The following STAB1 variants were observed in gnomAD, a reference collection of about 807,000 sequenced individuals.
STAB1 encodes the protein stabilin-1.
A neutral mutation model predicts 332.4 loss-of-function variants in STAB1; 250 were observed. The observed-to-expected ratio is 0.75, with a 90% CI of 0.68 to 0.84. STAB1 has a LOEUF of 0.84. Among genes scored for constraint, STAB1 ranks in the 40% least tolerant of loss-of-function variants. The pLI is 0.00. For synonymous variants in STAB1, 1,475 were observed against 1,390.4 expected, an observed-to-expected ratio of 1.06 and a Z score of -1.35; for missense variants, 3,249 against 3,489.7, an observed-to-expected ratio of 0.93 and a Z score of 1.74.
chr3:52,520,762 A>G (rs769936059), intron 54 of STAB1, 42 bp from the exon 55 acceptor site: 1 of 1,612,694 alleles, frequency 6.2e-7, no homozygotes, highest in Admixed American at 1.7e-5. Context: ...AGGACCACCA[A>G]ACTCAGAACC....
intron 57 of STAB1, 22 bp downstream of exon 57, chr3:52,521,722 CCCACCCTACACACTTGTGT>C: frequency 6.2e-7 from 1 of 1,611,558 alleles, no homozygotes; most frequent in Non-Finnish European, 8.5e-7. Context: ...CGTGCTCGTG[CCCACCCTACACACTTGTGT>C]ACATGTGCAC....
chr3:52,510,502 G>A lies in STAB1; in HGVS notation c.2782G>A (p.Gly928Arg), dbSNP rs758023101. The A allele has an allele frequency of 1.1e-5, 18 of 1,612,466 alleles. No homozygotes were observed. Among genetic ancestry groups the A allele is most frequent in the South Asian group, 4.4e-5 (4 of 90,958 alleles). ...TGCCCTCTGCAGCTATGTGGGCCCC[G>A]GGCAGGTGAGGTGCAGCAGAGAAGG... Reference protein sequence around the residue: ...TDALCSYVGPGQSRCTCKLGF... With the variant: ...TDALCSYVGPRQSRCTCKLGF... The change falls in exon 25 of 69, where the codon GGG (glycine) becomes AGG (arginine). Residue 928 changes from glycine to arginine, a missense_variant. Transcript: ENST00000321725.
At chr3:52,522,991 A>C (rs2079127989) in intron 62 of STAB1, 34 bp from the exon 63 acceptor site, 2 of 1,595,498 alleles carry the variant, frequency 1.3e-6, no homozygotes. Context: ...CCTTCCCACC[A>C]ATCTGCTGAG....
Position 52,518,304 on chromosome 3 carries a change from C to A in STAB1, c.4762-8C>A, listed in dbSNP as rs752042855. ...GCCCCAAATCTGAGCTGACCCTCGC[C>A]CCCCCAGGAGCTCCTGAGGGATAAG... is the stretch of plus-strand genomic sequence containing the variant. On this transcript the variant is annotated splice_polypyrimidine_tract_variant and splice_region_variant and intron_variant, in intron 45 of 68. Coordinates refer to ENST00000321725, the MANE Select transcript of STAB1 (RefSeq NM_015136.3). The A allele has an allele frequency of 1.9e-6, 3 of 1,612,438 alleles. No individual in the cohort carries two copies. The highest frequency in any genetic ancestry group is 2.2e-5 in the East Asian group (1 of 44,892).
chr3:52,503,047 C>A lies in STAB1; in HGVS notation c.632C>A (p.Ser211Tyr). ...ELRCPQNTQC[S>Y]AEAPSCRCLP... ...CGCTGTCCCCAGAACACCCAGTGCT[C>A]CGCAGAGGCTCCCAGCTGCAGGTGC... is the stretch of plus-strand genomic sequence containing the variant. The change falls in exon 7 of 69, where the codon TCC becomes TAC. Residue 211 changes from serine to tyrosine, a missense_variant. By Grantham distance (144) the Ser-to-Tyr change is moderately radical. Transcript: ENST00000321725. 1 of 1,603,882 alleles carries A rather than the reference C, an allele frequency of 6.2e-7. No individual in the cohort carries two copies. The highest frequency in any genetic ancestry group is 2.2e-5 in the East Asian group (1 of 44,556).
At chr3:52,498,275 G>A (rs34736619) in intron 1 of STAB1, among the ~76,000 whole-genome samples, 13 of 151,946 alleles carry the variant, frequency 8.6e-5, no homozygotes, top group African/African-American at 1.2e-4. Flanking sequence ...TGTGGGGTTG[G>A]GGGGGAGACA....
chr3:52,500,768 C>T (rs1578350393), intron 1 of STAB1, among the ~76,000 whole-genome samples: 2 of 152,334 alleles, frequency 1.3e-5, no homozygotes, highest in East Asian at 3.9e-4. Flanking sequence ...ACACCCTGTT[C>T]ATGGATGAGA....
Position 52,513,909 on chromosome 3 carries a change from G to A in STAB1, c.3375G>A (p.Val1125=). 1 of 1,605,050 alleles carries A rather than the reference G, an allele frequency of 6.2e-7. No homozygotes were observed. Among genetic ancestry groups the A allele is most frequent in the South Asian group, 1.1e-5 (1 of 90,512 alleles). Residue 1125 remains valine, a synonymous_variant, in exon 32 of 69, where the codon GTG becomes GTA. Coordinates refer to ENST00000321725, the MANE Select transcript of STAB1 (RefSeq NM_015136.3). ...SQVLLPPRGD[V]PGGQGLLQQL... The stretch of plus-strand genomic sequence containing the variant: ...TCTTACTGCCCCCCCGAGGGGATGT[G>A]CCCGGTGGGCAGGGGTTGCTGCAGC...
chr3:52,513,013 T>A, intron 29 of STAB1, 55 bp downstream of exon 29: 1 of 1,583,982 alleles, frequency 6.3e-7, no homozygotes, highest in Non-Finnish European at 8.6e-7. Flanking sequence ...ACCCAGTCCC[T>A]CCCCAGCGAG....
In STAB1 at chr3:52,514,357, T is replaced by C; in HGVS notation, c.3547-8T>C. The C allele has an allele frequency of 8.4e-6, 13 of 1,544,112 alleles. No individual in the cohort carries two copies. Among genetic ancestry groups the C allele is most frequent in the Non-Finnish European group, 1.1e-5 (12 of 1,142,688 alleles). ...TGCAGTCCCCTGGGTTCTCTCCTTC[T>C]CTTCCAGGACGCAGACACAGTGCGG... is the stretch of plus-strand genomic sequence containing the variant. On this transcript the variant is annotated splice_region_variant and splice_polypyrimidine_tract_variant and intron_variant, in intron 33 of 68. Coordinates refer to ENST00000321725, the MANE Select transcript of STAB1 (RefSeq NM_015136.3).
At chr3:52,519,883 G>A in intron 50 of STAB1, 61 bp from the exon 51 acceptor site, 7 of 1,511,252 alleles carry the variant, frequency 4.6e-6, no homozygotes, top group Non-Finnish European at 6.2e-6. Context: ...ACAGCCCCCT[G>A]CCTTTGCTAA....
Position 52,521,022 on chromosome 3 carries a change from C to G in STAB1, c.5908+17C>G. ...AGTGCCAAGGTGAGCATTGCAGACA[C>G]TGTTGACTAGCTCCTCTGTTCCCCA... On this transcript the variant is annotated intron_variant, in intron 55 of 68. Transcript: ENST00000321725. The G allele has an allele frequency of 2.0e-6, 3 of 1,521,260 alleles. No individual in the cohort carries two copies. Among genetic ancestry groups the G allele is most frequent in the Non-Finnish European group, 2.6e-6 (3 of 1,136,400 alleles). 94.2% of individuals were successfully genotyped at this position (1,521,260 alleles called of 1,614,324 possible). A position where few individuals can be genotyped will look rare whatever the true frequency, so the allele number is the denominator to read the frequency against.
Position 52,521,831 on chromosome 3 carries a change from C to T in STAB1, c.6164-13C>T, listed in dbSNP as rs372025770. On this transcript the variant is annotated splice_polypyrimidine_tract_variant and intron_variant, in intron 57 of 68. Transcript: ENST00000321725. ...TACTAACCTGGTTCTGGGGGCTGGG[C>T]CCTGGGGGACAGAGCTGCAGCCTGT... is the stretch of plus-strand genomic sequence containing the variant. 421 of 1,592,664 alleles carry T rather than the reference C, an allele frequency of 2.6e-4. No individual in the cohort carries two copies. Among genetic ancestry groups the T allele is most frequent in the Non-Finnish European group, 3.5e-4 (409 of 1,168,146 alleles).
Position 52,498,275 on chromosome 3 carries a change from G to T in STAB1, c.78+2784G>T, listed in dbSNP as rs34736619. ...CAGGTCTGCGGGGGGTGTGGGGTTGGGGGGGAGACAGCACCCGCTCTGGCT... is the reference window on the plus strand; with the variant it reads ...CAGGTCTGCGGGGGGTGTGGGGTTGTGGGGGAGACAGCACCCGCTCTGGCT... On this transcript the variant is annotated intron_variant, in intron 1 of 68. Coordinates refer to ENST00000321725, the MANE Select transcript of STAB1 (RefSeq NM_015136.3). 5.3e-5 allele frequency among the ~76,000 whole-genome samples: 8 copies of T among 152,062 alleles called. No homozygotes were observed. The East Asian group carries it at 7.8e-4, about 15-fold the overall frequency.
rs551697394 is a variant in STAB1 at position 52,503,289 on chromosome 3, G to A, written c.695-55G>A. 5.2e-4 allele frequency: 808 copies of A among 1,556,062 alleles called. 4 individuals are homozygous for A. The African/African-American group carries it at 8.9e-3, about 17-fold the overall frequency. ...CGGCCTTCCTGGTGAAAGCTGTGGC[G>A]GAGACAGGGCTCCTGGGTGCTTGGC... On this transcript the variant is annotated intron_variant, in intron 7 of 68. Transcript: ENST00000321725.
Position 52,495,431 on chromosome 3 carries a change from C to T in STAB1, c.18C>T (p.Gly6=). The change falls in exon 1 of 69, where the codon GGC becomes GGT. Residue 6 remains glycine (G), a synonymous_variant. Coordinates refer to ENST00000321725, the MANE Select transcript of STAB1 (RefSeq NM_015136.3). MAGPR[G]LLPLCLLAFC... is the part of the protein sequence containing the mutation. Reference sequence around the variant, plus strand: ...CACCAGCCATGGCGGGGCCCCGGGGCCTCCTCCCACTCTGCCTCCTGGCCT... The same window carrying T: ...CACCAGCCATGGCGGGGCCCCGGGGTCTCCTCCCACTCTGCCTCCTGGCCT... 7.5e-7 allele frequency: 1 copy of T among 1,340,196 alleles called. No individual in the cohort carries two copies. Among genetic ancestry groups the T allele is most frequent in the Non-Finnish European group, 9.6e-7 (1 of 1,039,094 alleles). The allele number at this position is 1,340,196 out of a possible 1,614,324, so 83.0% of individuals were successfully genotyped here.
At position 52,501,729 on chromosome 3, in the gene STAB1, G is replaced by A; in HGVS notation, c.307G>A (p.Gly103Ser). Residue 103 changes from glycine to serine, a missense_variant, in exon 3 of 69, where the codon GGC (glycine) becomes AGC (serine). Coordinates refer to ENST00000321725, the MANE Select transcript of STAB1 (RefSeq NM_015136.3). ...AGTGGTGCAGAAGGCCTGCTGCCCT[G>A]GCTACTGGGGTTCCCGGTGCCATGG... ...KQVVQKACCP[G>S]YWGSRCHECP... 6.4e-7 allele frequency: 1 copy of A among 1,569,150 alleles called. No individual in the cohort carries two copies. Among genetic ancestry groups the A allele is most frequent in the Non-Finnish European group, 8.6e-7 (1 of 1,157,948 alleles).
chr3:52,504,955 CAG>C (rs1214768917), intron 12 of STAB1, 46 bp from the exon 13 acceptor site: 1 of 1,612,306 alleles, frequency 6.2e-7, no homozygotes, highest in African/African-American at 1.3e-5. Flanking sequence ...AGCCTCCGGA[CAG>C]GGGGCTGGCA....
intron 8 of STAB1, 52 bp downstream of exon 8, chr3:52,503,592 G>A: frequency 1.3e-6 from 2 of 1,592,366 alleles, no homozygotes; most frequent in Non-Finnish European, 1.7e-6. Context: ...CCAAACACTG[G>A]CTATGGGACC....
Sources: allele counts gnomAD v4.1 joint callset (sites outside exome capture counted in the v4.1 genomes callset), GRCh38; gene constraint gnomAD v4.1.1; transcripts MANE v1.5; gene names NCBI Gene and HGNC (gene_info 2026-07-23, HGNC 2026-07-21).